The following DLG2 variants were observed in gnomAD, a reference collection of about 807,000 sequenced individuals.
DLG2 encodes the protein disks large homolog 2.
DLG2 carries 45 observed loss-of-function variants against 132.5 expected under a neutral mutation model. The observed-to-expected ratio is 0.34, with a 90% CI of 0.27 to 0.44. The LOEUF (loss-of-function observed/expected upper bound fraction) is 0.44. DLG2 is among the 20% of genes least tolerant of loss of function. The pLI, the probability that DLG2 is intolerant of heterozygous loss-of-function variation, is 1.00. For missense variants in DLG2, 1,045 were observed against 1,196.9 expected, an observed-to-expected ratio of 0.87 and a Z score of 1.87; for synonymous variants, 424 against 419.6, an observed-to-expected ratio of 1.01 and a Z score of -0.13.
At chr11:83,762,610 T>G (rs2093956636) in intron 18 of DLG2, among the ~76,000 whole-genome samples, 1 of 151,966 alleles carries the variant, frequency 6.6e-6, no homozygotes, top group African/African-American at 2.4e-5. Flanking sequence ...AGACGGAGTC[T>G]TGCTCTGTCA....
intron 9 of DLG2, among the ~76,000 whole-genome samples, chr11:84,114,322 T>G (rs761769731): frequency 2.0e-5 from 3 of 152,194 alleles, no homozygotes; most frequent in Non-Finnish European, 4.4e-5. Context: ...GACAAAGCAT[T>G]TAACTTGATA....
At position 85,293,661 on chromosome 11, in the gene DLG2, A is replaced by G. The variant is rs545133384; in HGVS notation, c.41-8296T>C. ...TTATGAACTATTGCAGATTAAAGGAAACTAAACAGGCATGACAATTAAATG... is the reference window on the plus strand; with the variant it reads ...TTATGAACTATTGCAGATTAAAGGAGACTAAACAGGCATGACAATTAAATG... On this transcript the variant is annotated intron_variant, in intron 3 of 27. Coordinates refer to ENST00000376104, the MANE Select transcript of DLG2 (RefSeq NM_001142699.3). 1.3e-3 allele frequency among the ~76,000 whole-genome samples: 192 copies of G among 152,310 alleles called. 1 individual carries two copies. The highest frequency in any genetic ancestry group is 3.4e-3 in the Middle Eastern group (1 of 294).
chr11:85,145,164 G>A (rs2152437980), intron 5 of DLG2, among the ~76,000 whole-genome samples: 1 of 151,864 alleles, frequency 6.6e-6, no homozygotes, highest in East Asian at 1.9e-4. Flanking sequence ...CTCTATCTTG[G>A]ACTGTCAGAT....
chr11:84,832,868 C>G lies in DLG2; in HGVS notation c.357+278793G>C, dbSNP rs567696103. Among the ~76,000 whole-genome samples the G allele has an allele frequency of 4.9e-4, 74 of 151,648 alleles. 3 individuals carry two copies. The highest frequency in any genetic ancestry group is 4.4e-3 in the Admixed American group (67 of 15,166). ...GTGGCATTTAACACAAGTGATTAAA[C>G]TGCTAATAGCAATTTTGCTCAGCAA... is the stretch of plus-strand genomic sequence containing the variant. On this transcript the variant is annotated intron_variant, in intron 6 of 27. Transcript: ENST00000376104.
At chr11:84,157,334 C>T (rs1044469348) in intron 9 of DLG2, among the ~76,000 whole-genome samples, 3 of 152,054 alleles carry the variant, frequency 2.0e-5, no homozygotes, top group Non-Finnish European at 4.4e-5. Context: ...TTGTATAATA[C>T]TTGTGAATTT....
At chr11:84,231,170 C>A (rs1394399078) in intron 8 of DLG2, among the ~76,000 whole-genome samples, 1 of 152,106 alleles carries the variant, frequency 6.6e-6, no homozygotes, top group African/African-American at 2.4e-5. Context: ...CTTCTTACTT[C>A]CTGAAATGTA....
chr11:83,933,266 A>G (rs1591343037), intron 14 of DLG2, among the ~76,000 whole-genome samples: 2 of 152,354 alleles, frequency 1.3e-5, no homozygotes, highest in Admixed American at 1.3e-4. Flanking sequence ...TTATCCTATT[A>G]TAAACTGCCA....
At chr11:83,811,750 T>G (rs1250922248) in intron 17 of DLG2, among the ~76,000 whole-genome samples, 13 of 152,038 alleles carry the variant, frequency 8.6e-5, no homozygotes, top group Admixed American at 8.5e-4. Context: ...GGGAAAAGAG[T>G]AAATCTTTGA....
chr11:84,415,985 T>TTAC (rs1304803197), intron 7 of DLG2, among the ~76,000 whole-genome samples: 1 of 152,164 alleles, frequency 6.6e-6, no homozygotes, highest in Non-Finnish European at 1.5e-5. Context: ...ATAATTTTAA[T>TTAC]TACTATTTTG....
chr11:85,488,004 G>A (rs912567774), intron 3 of DLG2, among the ~76,000 whole-genome samples: 1 of 152,206 alleles, frequency 6.6e-6, no homozygotes, highest in South Asian at 2.1e-4. Context: ...TACTGCTCTT[G>A]TGGTAGTGAA....
intron 4 of DLG2, among the ~76,000 whole-genome samples, chr11:85,155,653 T>A (rs1166716713): frequency 6.6e-6 from 1 of 152,126 alleles, no homozygotes; most frequent in Admixed American, 6.6e-5. Flanking sequence ...ATGGATCACC[T>A]GAGGTCAGGA....
intron 3 of DLG2, among the ~76,000 whole-genome samples, chr11:85,517,720 C>A (rs889364088): frequency 6.6e-6 from 1 of 152,000 alleles, no homozygotes; most frequent in Non-Finnish European, 1.5e-5. Flanking sequence ...TCAAGTGATC[C>A]TCCCAAGTAG....
At chr11:85,008,993 A>C (rs2058928002) in intron 6 of DLG2, among the ~76,000 whole-genome samples, 1 of 152,078 alleles carries the variant, frequency 6.6e-6, no homozygotes, top group Admixed American at 6.6e-5. Flanking sequence ...ATATAGGGGT[A>C]GAGCATTCCA....
intron 9 of DLG2, among the ~76,000 whole-genome samples, chr11:84,106,042 T>C (rs2092887391): frequency 6.6e-6 from 1 of 152,182 alleles, no homozygotes. Context: ...CACTTGAACA[T>C]TGGCCATGAA....
intron 16 of DLG2, among the ~76,000 whole-genome samples, chr11:83,870,310 A>G (rs1358875930): frequency 2.0e-5 from 3 of 152,148 alleles, no homozygotes; most frequent in Non-Finnish European, 2.9e-5. Context: ...TGAGTCTCCA[A>G]TGTCCATGTG....
intron 3 of DLG2, among the ~76,000 whole-genome samples, chr11:85,575,322 G>C (rs1430870343): frequency 6.6e-6 from 1 of 151,778 alleles, no homozygotes; most frequent in Admixed American, 6.6e-5. Flanking sequence ...GATCACTTGA[G>C]CCTGAGAGTT....
chr11:84,983,635 A>G (rs925150831), intron 6 of DLG2, among the ~76,000 whole-genome samples: 2 of 152,202 alleles, frequency 1.3e-5, no homozygotes, highest in East Asian at 3.9e-4. Context: ...CCATGAATCC[A>G]TACCAAGAAT....
intron 6 of DLG2, among the ~76,000 whole-genome samples, chr11:85,026,438 T>A (rs2060516119): frequency 6.6e-6 from 1 of 152,210 alleles, no homozygotes; most frequent in Non-Finnish European, 1.5e-5. Flanking sequence ...TCTAGTGTTC[T>A]GAGAAATGTG....
chr11:83,951,188 A>T (rs1565779216), intron 14 of DLG2, among the ~76,000 whole-genome samples: 1 of 152,168 alleles, frequency 6.6e-6, no homozygotes, highest in Non-Finnish European at 1.5e-5. Flanking sequence ...AGACCAAAAA[A>T]ATTCAAATCA....
Sources: allele counts gnomAD v4.1 joint callset (sites outside exome capture counted in the v4.1 genomes callset), GRCh38; gene constraint gnomAD v4.1.1; transcripts MANE v1.5; gene names NCBI Gene and HGNC (gene_info 2026-07-23, HGNC 2026-07-21).